Variants in GRIK1 observed in about 807,000 individuals in gnomAD.
GRIK1 encodes glutamate receptor ionotropic, kainate 1.
Under a neutral mutation model 105.7 loss-of-function variants are expected in GRIK1, and 69 were observed. That is an observed-to-expected ratio of 0.65 (90% CI 0.54 to 0.80). The LOEUF is 0.80. Among genes scored for constraint, GRIK1 ranks in the 30% least tolerant of loss-of-function variants. The pLI is 0.00. For synonymous variants in GRIK1, 438 were observed against 431.3 expected, an observed-to-expected ratio of 1.02 and a Z score of -0.19; for missense variants, 1,109 against 1,167.3, an observed-to-expected ratio of 0.95 and a Z score of 0.73.
intron 1 of GRIK1, among the ~76,000 whole-genome samples, chr21:29,867,904 AAGAAAG>A (rs1163218078): frequency 3.5e-4 from 20 of 57,366 alleles, no homozygotes; most frequent in African/African-American, 1.2e-3. Context: ...GAGAGAGAGA[AAGAAAG>A]AGAGAGAAAG....
rs113878576 is a variant in GRIK1 at position 29,628,389 on chromosome 21, A to G, written c.1098+14437T>C. Among the ~76,000 whole-genome samples the G allele has an allele frequency of 7.2e-5, 11 of 152,308 alleles. 1 individual carries two copies. The highest frequency in any genetic ancestry group is 2.6e-4 in the African/African-American group (11 of 41,570). ...CTATTATGTGTGCTGTTTATAACCCATTATCTTGCAATAACAGCTTGCATG... is the reference window on the plus strand; with the variant it reads ...CTATTATGTGTGCTGTTTATAACCCGTTATCTTGCAATAACAGCTTGCATG... On this transcript the variant is annotated intron_variant, in intron 7 of 17. Coordinates refer to ENST00000327783, the MANE Select transcript of GRIK1 (RefSeq NM_001330994.2).
intron 1 of GRIK1, among the ~76,000 whole-genome samples, chr21:29,864,523 T>A (rs1324144851): frequency 6.6e-6 from 1 of 152,208 alleles, no homozygotes; most frequent in Non-Finnish European, 1.5e-5. Flanking sequence ...ATTTCAAACA[T>A]CATAATTTAA....
intron 6 of GRIK1, among the ~76,000 whole-genome samples, chr21:29,647,244 C>G (rs759502276): frequency 5.3e-5 from 8 of 152,220 alleles, no homozygotes; most frequent in Non-Finnish European, 1.0e-4. Flanking sequence ...CTAATTTAAT[C>G]TGTAGAGTAA....
chr21:29,635,613 C>T (rs2062382176), intron 7 of GRIK1, among the ~76,000 whole-genome samples: 1 of 152,172 alleles, frequency 6.6e-6, no homozygotes, highest in Admixed American at 6.5e-5. Context: ...CAAAAGAGTG[C>T]TAACCAGAGT....
chr21:29,905,316 G>C (rs1324318615), intron 1 of GRIK1, among the ~76,000 whole-genome samples: 2 of 152,064 alleles, frequency 1.3e-5, no homozygotes, highest in Non-Finnish European at 2.9e-5. Context: ...ACTTCTCCCA[G>C]ATTCACCAGG....
intron 16 of GRIK1, among the ~76,000 whole-genome samples, chr21:29,551,506 C>G (rs363507): frequency 3.3e-5 from 5 of 152,138 alleles, no homozygotes; most frequent in Admixed American, 2.6e-4. Flanking sequence ...ATCTACTTCT[C>G]TGTTAGTAAA....
intron 1 of GRIK1, among the ~76,000 whole-genome samples, chr21:29,695,709 G>A (rs146799434): frequency 0.023 from 3,495 of 152,136 alleles, 66 homozygotes; most frequent in Middle Eastern, 0.051. Flanking sequence ...TCCTGACTTC[G>A]TGATCTGCCT....
intron 13 of GRIK1, among the ~76,000 whole-genome samples, chr21:29,578,128 A>G (rs929316802): frequency 2.6e-5 from 4 of 152,054 alleles, no homozygotes; most frequent in Non-Finnish European, 5.9e-5. Context: ...CTCCAGTTGT[A>G]CTGATTCACA....
chr21:29,909,232 C>T (rs459585), intron 1 of GRIK1, among the ~76,000 whole-genome samples: 43,072 of 151,342 alleles, frequency 0.28, 8,462 homozygotes, highest in African/African-American at 0.56. Context: ...CTTTAAGGGC[C>T]CTAAAGATAA....
chr21:29,820,624 T>C (rs1458292448), intron 1 of GRIK1, among the ~76,000 whole-genome samples: 3 of 151,976 alleles, frequency 2.0e-5, no homozygotes, highest in Non-Finnish European at 4.4e-5. Flanking sequence ...TACTTTATCC[T>C]ATTTGCTTGT....
At chr21:29,577,418 T>G (rs1436951438) in intron 13 of GRIK1, among the ~76,000 whole-genome samples, 1 of 152,208 alleles carries the variant, frequency 6.6e-6, no homozygotes, top group African/African-American at 2.4e-5. Flanking sequence ...TAAAACAGTT[T>G]TAACCTGGAG....
chr21:29,758,282 A>C (rs2065404138), intron 1 of GRIK1, among the ~76,000 whole-genome samples: 1 of 152,214 alleles, frequency 6.6e-6, no homozygotes, highest in African/African-American at 2.4e-5. Context: ...AGACTGGGTA[A>C]TTTATAAAGA....
chr21:29,798,310 C>T (rs2066611704), intron 1 of GRIK1, among the ~76,000 whole-genome samples: 1 of 152,110 alleles, frequency 6.6e-6, no homozygotes, highest in South Asian at 2.1e-4. Flanking sequence ...TATTGGTGAC[C>T]TCACTGAAAA....
intron 6 of GRIK1, among the ~76,000 whole-genome samples, chr21:29,648,650 G>A (rs1158751605): frequency 6.6e-6 from 1 of 152,146 alleles, no homozygotes; most frequent in Non-Finnish European, 1.5e-5. Context: ...TTTATGAAGT[G>A]TCTATTCTTG....
chr21:29,939,351 T>A, intron 1 of GRIK1, 32 bp downstream of exon 1: 1 of 1,270,256 alleles, frequency 7.9e-7, no homozygotes, highest in Non-Finnish European at 1.1e-6. Flanking sequence ...ACCGACCACG[T>A]CTCCCGAGCA....
chr21:29,590,412 C>A (rs73348579), intron 10 of GRIK1, among the ~76,000 whole-genome samples: 2 of 152,116 alleles, frequency 1.3e-5, no homozygotes, highest in Non-Finnish European at 2.9e-5. Flanking sequence ...AATAAGCAAC[C>A]GGTAGCTGTA....
At chr21:29,580,956 G>T (rs1658764441) in intron 13 of GRIK1, among the ~76,000 whole-genome samples, 2 of 152,118 alleles carry the variant, frequency 1.3e-5, no homozygotes, top group African/African-American at 4.8e-5. Context: ...AAAAGTTACT[G>T]GGAGGCTGAA....
intron 8 of GRIK1, chr21:29,597,684 A>T (rs1285316590): frequency 2.1e-6 from 1 of 465,226 alleles, no homozygotes; most frequent in Admixed American, 2.4e-5. Flanking sequence ...GATGGGAGAG[A>T]CATTTTTGAA....
intron 1 of GRIK1, among the ~76,000 whole-genome samples, chr21:29,779,208 T>G (rs1462822826): frequency 6.6e-6 from 1 of 152,216 alleles, no homozygotes; most frequent in Non-Finnish European, 1.5e-5. Context: ...CGACAACCAT[T>G]TTTGTACTTT....
Sources: gnomAD v4.1 joint callset for allele counts (sites outside exome capture counted in the v4.1 genomes callset) on GRCh38, gnomAD v4.1.1 for gene constraint, MANE v1.5 for transcripts, NCBI Gene and HGNC (gene_info 2026-07-23, HGNC 2026-07-21) for gene names.